The following CACNB2 variants were observed in gnomAD, a reference collection of about 807,000 sequenced individuals.
CACNB2 encodes calcium voltage-gated channel auxiliary subunit beta 2.
CACNB2 carries 42 observed loss-of-function variants against 73.3 expected under a neutral mutation model. The ratio of observed to expected loss-of-function variants is 0.57; its 90% CI spans 0.45 to 0.74. The LOEUF is 0.74. Among genes scored for constraint, CACNB2 ranks in the 30% least tolerant of loss-of-function variants. The pLI, the probability that CACNB2 is intolerant of heterozygous loss-of-function variation, is 0.00. For synonymous variants in CACNB2, 348 were observed against 310.3 expected, an observed-to-expected ratio of 1.12 and a Z score of -1.28; for missense variants, 940 against 853.0, an observed-to-expected ratio of 1.10 and a Z score of -1.27.
rs1306513068 is a variant in CACNB2, at chr10:18,196,728, C to T, written c.213+45753C>T. 3.3e-5 allele frequency among the ~76,000 whole-genome samples: 5 copies of T among 152,278 alleles called. No individual in the cohort carries two copies. The East Asian group carries it at 9.6e-4, about 29-fold the overall frequency. On this transcript the variant is annotated intron_variant, in intron 2 of 13. Coordinates refer to ENST00000324631, the MANE Select transcript of CACNB2 (RefSeq NM_201596.3). ...GTCTAAAACAAACTCATCTTCCTTC[C>T]AAAGGGGGTTATCTTTTTCTTTAAT...
chr10:18,309,860 C>A (rs2039890501), intron 2 of CACNB2, among the ~76,000 whole-genome samples: 1 of 152,114 alleles, frequency 6.6e-6, no homozygotes, highest in Non-Finnish European at 1.5e-5. Flanking sequence ...TGTTTTCAAA[C>A]CTGCACATAA....
At chr10:18,188,049 C>A (rs537090638) in intron 2 of CACNB2, among the ~76,000 whole-genome samples, 1 of 152,128 alleles carries the variant, frequency 6.6e-6, no homozygotes. Flanking sequence ...CATTTGTATA[C>A]TGTTTTGTAT....
intron 2 of CACNB2, among the ~76,000 whole-genome samples, chr10:18,305,432 T>G (rs2039691585): frequency 6.6e-6 from 1 of 152,162 alleles, no homozygotes; most frequent in Non-Finnish European, 1.5e-5. Flanking sequence ...TGGCTAAGTA[T>G]GACAAAAATG....
intron 2 of CACNB2, among the ~76,000 whole-genome samples, chr10:18,193,428 C>T (rs184360233): frequency 1.3e-5 from 2 of 152,236 alleles, no homozygotes. Context: ...TTTTATTAGG[C>T]CATTCCTGGT....
intron 2 of CACNB2, among the ~76,000 whole-genome samples, chr10:18,363,729 G>A (rs2042233324): frequency 6.6e-6 from 1 of 151,900 alleles, no homozygotes; most frequent in Non-Finnish European, 1.5e-5. Context: ...ACTCATTATA[G>A]CTGTGTGACA....
At chr10:18,169,727 C>G (rs568135104) in intron 2 of CACNB2, among the ~76,000 whole-genome samples, 85 of 152,282 alleles carry the variant, frequency 5.6e-4, no homozygotes, top group Non-Finnish European at 5.3e-4. Context: ...AGTTACAGAA[C>G]CAATCTTCCC....
At chr10:18,507,642 A>C (rs1217996211) in intron 6 of CACNB2, among the ~76,000 whole-genome samples, 1 of 152,178 alleles carries the variant, frequency 6.6e-6, no homozygotes, top group Non-Finnish European at 1.5e-5. Flanking sequence ...ATTGCAAAAA[A>C]AAGCACATGA....
intron 3 of CACNB2, among the ~76,000 whole-genome samples, chr10:18,464,288 T>G (rs1423033539): frequency 1.3e-5 from 2 of 151,168 alleles, no homozygotes; most frequent in Non-Finnish European, 3.0e-5. Context: ...GGTGTGGTGG[T>G]CCATGCTTGC....
At chr10:18,150,828 A>G in intron 1 of CACNB2, 55 bp from the exon 2 acceptor site, 1 of 1,149,094 alleles carries the variant, frequency 8.7e-7, no homozygotes, top group Non-Finnish European at 1.2e-6. Flanking sequence ...CATTCCTGTT[A>G]AAGGGTCTCA....
intron 3 of CACNB2, among the ~76,000 whole-genome samples, chr10:18,459,592 A>C (rs1048255700): frequency 1.3e-5 from 2 of 152,260 alleles, no homozygotes; most frequent in African/African-American, 2.4e-5. Flanking sequence ...AAAAACAGCA[A>C]ATAGTTATTT....
At chr10:18,233,120 CAT>C (rs1256671057) in intron 2 of CACNB2, among the ~76,000 whole-genome samples, 1 of 152,140 alleles carries the variant, frequency 6.6e-6, no homozygotes, top group African/African-American at 2.4e-5. Context: ...TGAGAAAAAA[CAT>C]AGATGTATTC....
chr10:18,250,563 T>G (rs536977451), intron 2 of CACNB2, among the ~76,000 whole-genome samples: 1 of 152,178 alleles, frequency 6.6e-6, no homozygotes, highest in Admixed American at 6.5e-5. Flanking sequence ...TTGTCCATTC[T>G]AAATGTAGAG....
intron 3 of CACNB2, among the ~76,000 whole-genome samples, chr10:18,471,996 T>G (rs933825005): frequency 1.5e-4 from 23 of 152,236 alleles, no homozygotes; most frequent in Admixed American, 1.2e-3. Flanking sequence ...ACCCCAGACG[T>G]GTTCAACTCC....
Position 18,532,987 on chromosome 10 carries a change from T to G in CACNB2, c.1055-1089T>G, listed in dbSNP as rs905804457. On this transcript the variant is annotated intron_variant, in intron 10 of 13. Coordinates refer to ENST00000324631, the MANE Select transcript of CACNB2 (RefSeq NM_201596.3). ...GATATCTAGGTAAAAAAAAAAGGAC[T>G]CAAGTCATAACATATTGTGAGGCAG... 2.6e-5 allele frequency: 4 copies of G among 151,792 alleles called. No individual in the cohort carries two copies. In the South Asian group the frequency reaches 8.3e-4, roughly 31 times the overall value. 9.4% of individuals were successfully genotyped at this position (151,792 alleles called of 1,614,324 possible).
intron 3 of CACNB2, among the ~76,000 whole-genome samples, chr10:18,462,037 G>A (rs1481555191): frequency 2.0e-5 from 3 of 152,036 alleles, no homozygotes; most frequent in South Asian, 2.1e-4. Context: ...AATCTATCCC[G>A]TTCTAGAGAA....
chr10:18,504,521 T>A (rs1022127390), intron 5 of CACNB2, among the ~76,000 whole-genome samples: 7 of 152,250 alleles, frequency 4.6e-5, no homozygotes, highest in African/African-American at 1.7e-4. Flanking sequence ...AGATTACCTT[T>A]TCTTACAGCC....
At chr10:18,218,818 A>G (rs756997525) in intron 2 of CACNB2, among the ~76,000 whole-genome samples, 1 of 151,968 alleles carries the variant, frequency 6.6e-6, no homozygotes, top group Non-Finnish European at 1.5e-5. Flanking sequence ...GTGAGCCAAG[A>G]TCATACCACT....
intron 2 of CACNB2, among the ~76,000 whole-genome samples, chr10:18,242,867 G>A (rs1451627437): frequency 2.0e-5 from 3 of 150,946 alleles, no homozygotes; most frequent in Admixed American, 6.6e-5. Flanking sequence ...AACATTAGCC[G>A]GGCATGGTGG....
chr10:18,189,438 T>G (rs552028182), intron 2 of CACNB2, among the ~76,000 whole-genome samples: 7 of 152,218 alleles, frequency 4.6e-5, no homozygotes, highest in Non-Finnish European at 1.0e-4. Context: ...TGGGGATATA[T>G]GTATATATTT....
Sources: gnomAD v4.1 joint callset for allele counts (sites outside exome capture counted in the v4.1 genomes callset) on GRCh38, gnomAD v4.1.1 for gene constraint, MANE v1.5 for transcripts, NCBI Gene and HGNC (gene_info 2026-07-23, HGNC 2026-07-21) for gene names.